The following DRC11 variants were observed in gnomAD, a reference collection of about 807,000 sequenced individuals.
The protein encoded by DRC11 is dynein regulatory complex subunit 11, also known as IQ and AAA domain-containing protein 1.
At chr2:236,380,230 G>A in the DRC11 span, among the ~76,000 whole-genome samples, 6 of 152,218 alleles carry the variant, frequency 3.9e-5, no homozygotes, top group African/African-American at 1.2e-4. The surrounding 1 kb of genome is among the most constrained non-coding windows in gnomAD (Gnocchi z 4.9). Flanking sequence ...CGCTCGGGCA[G>A]ATTCCTGTCC....
At chr2:236,498,533 G>T in the DRC11 span, among the ~76,000 whole-genome samples, 1 of 151,966 alleles carries the variant, frequency 6.6e-6, no homozygotes, top group Non-Finnish European at 1.5e-5. Flanking sequence ...GAATGCACCA[G>T]CTGGGCTCTC....
the DRC11 span, among the ~76,000 whole-genome samples, chr2:236,441,973 C>T: frequency 2.6e-5 from 4 of 152,156 alleles, no homozygotes; most frequent in East Asian, 1.9e-4. Flanking sequence ...CAGTGTTTCA[C>T]GCCTATAATC....
chr2:236,309,826 C>G, the DRC11 span, among the ~76,000 whole-genome samples: 1 of 152,204 alleles, frequency 6.6e-6, no homozygotes, highest in Non-Finnish European at 1.5e-5. This position sits in a 1 kb window ranked among gnomAD's most constrained non-coding sequence, Gnocchi z 5.7. Flanking sequence ...CCTCATCCAG[C>G]TCTCACCGTG....
the DRC11 span, chr2:236,392,303 C>T: frequency 6.2e-7 from 1 of 1,600,114 alleles, no homozygotes; most frequent in Non-Finnish European, 8.5e-7. This position sits in a 1 kb window ranked among gnomAD's most constrained non-coding sequence, Gnocchi z 5.1. Context: ...AGTTCTGGAT[C>T]ATAGTCCTGA....
At chr2:236,497,575 T>C in the DRC11 span, 3 of 855,976 alleles carry the variant, frequency 3.5e-6, no homozygotes, top group Non-Finnish European at 5.3e-6. The surrounding 1 kb of genome is among the most constrained non-coding windows in gnomAD (Gnocchi z 5.1). Flanking sequence ...TAGCAAAATA[T>C]AACACAGAAT....
chr2:236,453,889 G>A, the DRC11 span, among the ~76,000 whole-genome samples: 18 of 152,108 alleles, frequency 1.2e-4, no homozygotes, highest in African/African-American at 1.9e-4. The surrounding 1 kb of genome is among the most constrained non-coding windows in gnomAD (Gnocchi z 4.9). Context: ...TGATCCACCC[G>A]TCTTGGCCTC....
the DRC11 span, chr2:236,441,080 C>A: frequency 6.4e-7 from 1 of 1,562,248 alleles, no homozygotes; most frequent in East Asian, 2.4e-5. Context: ...AGCTGACCCT[C>A]CTTCTTCAAC....
the DRC11 span, among the ~76,000 whole-genome samples, chr2:236,404,465 T>C: frequency 6.6e-6 from 1 of 152,158 alleles, no homozygotes; most frequent in East Asian, 1.9e-4. Flanking sequence ...CCTATCCCCA[T>C]CGCTCAAAAG....
At chr2:236,391,958 G>A in the DRC11 span, 4 of 1,608,064 alleles carry the variant, frequency 2.5e-6, no homozygotes, top group South Asian at 1.1e-5. The surrounding 1 kb of genome is among the most constrained non-coding windows in gnomAD (Gnocchi z 4.5). Context: ...CCCCTCTGCA[G>A]GCTCCTTCCC....
At chr2:236,343,746 G>A in the DRC11 span, 19 of 1,303,788 alleles carry the variant, frequency 1.5e-5, no homozygotes, top group South Asian at 8.6e-5. This position sits in a 1 kb window ranked among gnomAD's most constrained non-coding sequence, Gnocchi z 6.6. Flanking sequence ...CAGCAACTTC[G>A]CCAGCAGAGG....
At chr2:236,451,165 C>T in the DRC11 span, among the ~76,000 whole-genome samples, 36 of 152,036 alleles carry the variant, frequency 2.4e-4, no homozygotes, top group African/African-American at 8.2e-4. Flanking sequence ...TTAAAGTATT[C>T]ATTTTTATTT....
chr2:236,450,394 A>G, the DRC11 span, among the ~76,000 whole-genome samples: 1 of 130,958 alleles, frequency 7.6e-6, no homozygotes, highest in Non-Finnish European at 1.5e-5. Context: ...ATCTCGGCTC[A>G]CTGCAACCTC....
At chr2:236,343,239 G>A in the DRC11 span, among the ~76,000 whole-genome samples, 3 of 152,034 alleles carry the variant, frequency 2.0e-5, no homozygotes, top group Non-Finnish European at 4.4e-5. The surrounding 1 kb of genome is among the most constrained non-coding windows in gnomAD (Gnocchi z 6.6). Context: ...CCCTCTCAGC[G>A]CTCCTTCCCC....
chr2:236,408,553 C>T, the DRC11 span: 16 of 725,766 alleles, frequency 2.2e-5, no homozygotes, highest in Admixed American at 3.6e-5. This position sits in a 1 kb window ranked among gnomAD's most constrained non-coding sequence, Gnocchi z 5.5. Flanking sequence ...CTTCTTCTGG[C>T]GTGGAGGAAG....
the DRC11 span, among the ~76,000 whole-genome samples, chr2:236,435,774 A>G: frequency 6.6e-6 from 1 of 152,162 alleles, no homozygotes; most frequent in Non-Finnish European, 1.5e-5. Context: ...AAGCATATTA[A>G]TGCCATATTG....
the DRC11 span, among the ~76,000 whole-genome samples, chr2:236,416,750 TATA>T: frequency 1.6e-5 from 1 of 63,436 alleles, no homozygotes; most frequent in African/African-American, 5.7e-5. Flanking sequence ...TATATATATA[TATA>T]TATATATATA....
chr2:236,456,392 T>C, the DRC11 span, among the ~76,000 whole-genome samples: 2 of 152,186 alleles, frequency 1.3e-5, no homozygotes, highest in African/African-American at 2.4e-5. The surrounding 1 kb of genome is among the most constrained non-coding windows in gnomAD (Gnocchi z 5.4). Flanking sequence ...CTAGGGCCTC[T>C]GCCCCTCTGC....
chr2:236,356,912 TTATA>T, the DRC11 span, among the ~76,000 whole-genome samples: 4 of 82,820 alleles, frequency 4.8e-5, no homozygotes, highest in Admixed American at 1.2e-4. Context: ...TATTTATATA[TTATA>T]TATATTCATA....
At chr2:236,495,396 T>A in the DRC11 span, among the ~76,000 whole-genome samples, 1 of 152,188 alleles carries the variant, frequency 6.6e-6, no homozygotes, top group Non-Finnish European at 1.5e-5. This position sits in a 1 kb window ranked among gnomAD's most constrained non-coding sequence, Gnocchi z 5.6. Context: ...TAACTGAGAA[T>A]GGAAGAGAAG....
Sources: allele counts gnomAD v4.1 joint callset (sites outside exome capture counted in the v4.1 genomes callset), GRCh38; gene constraint gnomAD v4.1.1; non-coding constraint Gnocchi (gnomAD v3.1); transcripts MANE v1.5; gene names NCBI Gene and HGNC (gene_info 2026-07-23, HGNC 2026-07-21).